Variants in PAK6 observed in about 807,000 individuals in gnomAD.
PAK6 encodes the protein serine/threonine-protein kinase PAK 6.
PAK6 carries 33 observed loss-of-function variants against 60.8 expected under a neutral mutation model. The observed-to-expected ratio is 0.54, with a 90% CI of 0.41 to 0.73. The LOEUF (loss-of-function observed/expected upper bound fraction) is 0.73, where lower values mean the gene tolerates loss of function less well. Ranked by LOEUF, PAK6 falls within the 30% of genes least tolerant of loss-of-function variation. PAK6 has a pLI of 0.00. For missense variants in PAK6, 845 were observed against 904.1 expected (o/e 0.93, Z 0.84); for synonymous variants, 404 against 378.5 (o/e 1.07, Z -0.78).
rs901189982 is a variant in PAK6, at chr15:40,272,849, C to T, written c.1357-17C>T. 11 of 1,611,748 alleles carry T rather than the reference C, an allele frequency of 6.8e-6. No homozygotes were observed. The East Asian group carries it at 2.5e-4, about 36-fold the overall frequency. On this transcript the variant is annotated splice_polypyrimidine_tract_variant and intron_variant, in intron 6 of 10. Coordinates refer to ENST00000560346, the Ensembl canonical transcript of PAK6. ...CTGGGCACTGTGCCTGGCACTCAGG[C>T]CCCCGCCTGCCCCCAGGTGGTGATC...
chr15:40,250,323 C>T (rs771637174), intron 2 of PAK6, among the ~76,000 whole-genome samples: 9 of 152,148 alleles, frequency 5.9e-5, no homozygotes, highest in Non-Finnish European at 8.8e-5. Context: ...TCGTGCAACC[C>T]GGTGCAGCTG....
At chr15:40,248,735 A>AG (rs1555386299) in intron 2 of PAK6, among the ~76,000 whole-genome samples, 20 of 151,920 alleles carry the variant, frequency 1.3e-4, no homozygotes, top group African/African-American at 4.8e-4. Context: ...TCCTACCCGC[A>AG]CCCCAGCCCT....
chr15:40,243,219 C>T (rs1270766342), intron 2 of PAK6, among the ~76,000 whole-genome samples: 3 of 152,112 alleles, frequency 2.0e-5, no homozygotes, highest in Non-Finnish European at 2.9e-5. Flanking sequence ...GAATGACAAA[C>T]AAAGGAAGAA....
chr15:40,265,872 G>T, exon 5 of PAK6: 1 of 1,554,676 alleles, frequency 6.4e-7, no homozygotes, highest in Non-Finnish European at 8.7e-7. Flanking sequence ...GATGCCTGTG[G>T]ATGGCTACAT....
At chr15:40,245,598 G>C (rs539292233) in intron 2 of PAK6, 1 of 152,568 alleles carries the variant, frequency 6.6e-6, no homozygotes, top group South Asian at 2.1e-4. Flanking sequence ...AGGAGGAAAA[G>C]GCTGCCCCAG....
intron 2 of PAK6, chr15:40,252,937 G>C (rs1224400411): frequency 9.8e-7 from 1 of 1,017,986 alleles, no homozygotes; most frequent in Non-Finnish European, 1.2e-6. Flanking sequence ...CTGGGGCCGG[G>C]TGGCCGCGCC....
chr15:40,255,049 A>C (rs780388168), intron 3 of PAK6, among the ~76,000 whole-genome samples: 1 of 152,166 alleles, frequency 6.6e-6, no homozygotes. Flanking sequence ...AAAAAAAGGC[A>C]ATCTTGTGAT....
intron 4 of PAK6, 36 bp from the exon 5 acceptor site, chr15:40,265,806 G>T: frequency 4.0e-6 from 6 of 1,494,526 alleles, no homozygotes; most frequent in Non-Finnish European, 5.4e-6. Flanking sequence ...CCACAATTGG[G>T]CAGCTCCCAC....
chr15:40,272,621 G>A, exon 6 of PAK6: 6 of 1,611,076 alleles, frequency 3.7e-6, no homozygotes, highest in Non-Finnish European at 4.2e-6. Context: ...GGCTCCACCG[G>A]CATCGTCTGC....
At chr15:40,243,066 C>T (rs953078275) in intron 2 of PAK6, among the ~76,000 whole-genome samples, 1 of 152,222 alleles carries the variant, frequency 6.6e-6, no homozygotes, top group Non-Finnish European at 1.5e-5. Context: ...TGGCTTCGTC[C>T]TTTTGCCAAC....
chr15:40,266,150 T>C (rs1338654270), exon 5 of PAK6: 10 of 1,609,164 alleles, frequency 6.2e-6, no homozygotes, highest in African/African-American at 1.3e-5. Flanking sequence ...TCCTGCCCAA[T>C]GGGCTGGCTG....
chr15:40,269,812 C>CCTG (rs1262786925), intron 5 of PAK6, among the ~76,000 whole-genome samples: 4 of 152,202 alleles, frequency 2.6e-5, no homozygotes, highest in Non-Finnish European at 5.9e-5. Context: ...CCAGCCAGCA[C>CCTG]CTGCAGCAGC....
intron 2 of PAK6, among the ~76,000 whole-genome samples, chr15:40,250,491 G>A (rs2038633518): frequency 6.6e-6 from 1 of 152,136 alleles, no homozygotes; most frequent in Non-Finnish European, 1.5e-5. Flanking sequence ...TCCTTGGTCA[G>A]TCTAACTTGA....
At chr15:40,270,880 C>T (rs557556953) in intron 5 of PAK6, among the ~76,000 whole-genome samples, 1 of 152,286 alleles carries the variant, frequency 6.6e-6, no homozygotes, top group Admixed American at 6.5e-5. Flanking sequence ...AGAGTAGAAG[C>T]CCTGAAGCTG....
chr15:40,240,956 G>A (rs534400839), intron 2 of PAK6, among the ~76,000 whole-genome samples: 16 of 152,284 alleles, frequency 1.1e-4, no homozygotes, highest in Admixed American at 6.5e-4. Context: ...GTGCCACCGG[G>A]ACACCCCTAT....
chr15:40,266,873 G>A (rs188763460), intron 5 of PAK6: 294 of 196,166 alleles, frequency 1.5e-3, no homozygotes, highest in Non-Finnish European at 2.5e-3. Context: ...AGCCCCCGTG[G>A]TGACATTTCT....
intron 2 of PAK6, chr15:40,252,871 C>A: frequency 8.0e-7 from 1 of 1,246,924 alleles, no homozygotes. Flanking sequence ...CCGCGGGCGC[C>A]CGCCCGGCGC....
At chr15:40,267,748 T>C (rs1265257970) in intron 5 of PAK6, among the ~76,000 whole-genome samples, 1 of 152,182 alleles carries the variant, frequency 6.6e-6, no homozygotes, top group Non-Finnish European at 1.5e-5. Context: ...CCATGGGTTG[T>C]GGCTTGATGT....
At chr15:40,268,539 C>A (rs2039211870) in intron 5 of PAK6, among the ~76,000 whole-genome samples, 1 of 152,236 alleles carries the variant, frequency 6.6e-6, no homozygotes, top group Non-Finnish European at 1.5e-5. Context: ...ATCAAGCCAG[C>A]AGCCCTTGGC....
Sources: allele counts gnomAD v4.1 joint callset (sites outside exome capture counted in the v4.1 genomes callset), GRCh38; gene constraint gnomAD v4.1.1; transcripts MANE v1.5; gene names NCBI Gene and HGNC (gene_info 2026-07-23, HGNC 2026-07-21).